The following DACH1 variants were observed in gnomAD, a reference collection of about 807,000 sequenced individuals.
DACH1 encodes dachshund family transcription factor 1.
A neutral mutation model predicts 54.2 loss-of-function variants in DACH1; 12 were observed. The ratio of observed to expected loss-of-function variants is 0.22; its 90% confidence interval spans 0.14 to 0.36. DACH1 has a LOEUF of 0.36. DACH1 is among the 10% of genes least tolerant of loss of function. The pLI is 1.00. For synonymous variants in DACH1, 386 were observed against 366.2 expected, an observed-to-expected ratio of 1.05 and a Z score of -0.62; for missense variants, 805 against 929.8, an observed-to-expected ratio of 0.87 and a Z score of 1.75.
At position 71,866,067 on chromosome 13, in the gene DACH1, G is replaced by T. The variant is rs1376911802; in HGVS notation, c.703C>A (p.Arg235=). 7 of 1,613,746 alleles carry T rather than the reference G, an allele frequency of 4.3e-6. No homozygotes were observed. The highest frequency in any genetic ancestry group is 5.1e-6 in the Non-Finnish European group (6 of 1,179,992). The change falls in exon 1 of 11, where the codon CGG becomes AGG. Residue 235 remains arginine (R), a synonymous_variant. Transcript: ENST00000613252. Reference sequence around the variant, plus strand: ...CACACCACCGGCGTGATCTCCAGCCGCTTCAGCTTGGTGTAGACCGTATGC... The same window carrying T: ...CACACCACCGGCGTGATCTCCAGCCTCTTCAGCTTGGTGTAGACCGTATGC... ...GLHTVYTKLK[R]LEITPVVCNV... is the part of the protein sequence containing the mutation.
intron 3 of DACH1, among the ~76,000 whole-genome samples, chr13:71,573,799 T>A (rs1236706989): frequency 6.6e-6 from 1 of 152,160 alleles, no homozygotes; most frequent in Admixed American, 6.6e-5. Flanking sequence ...TCCGGCAACA[T>A]TTAACCTAGT....
chr13:71,847,607 T>C (rs1241874727), intron 1 of DACH1, among the ~76,000 whole-genome samples: 1 of 152,120 alleles, frequency 6.6e-6, no homozygotes, highest in Non-Finnish European at 1.5e-5. Context: ...TGATGAAAAA[T>C]ATTTCACAAT....
chr13:71,693,459 C>G (rs1163808976), intron 1 of DACH1, among the ~76,000 whole-genome samples: 2 of 148,484 alleles, frequency 1.3e-5, no homozygotes, highest in Non-Finnish European at 3.0e-5. Context: ...CTCACCACCA[C>G]GCCCGGCAAA....
At chr13:71,861,602 T>C (rs1874359031) in intron 1 of DACH1, among the ~76,000 whole-genome samples, 1 of 152,004 alleles carries the variant, frequency 6.6e-6, no homozygotes, top group Non-Finnish European at 1.5e-5. Context: ...CTTTCATATT[T>C]AAGCTTTAGT....
chr13:71,836,090 C>A (rs746628684), intron 1 of DACH1, among the ~76,000 whole-genome samples: 1 of 151,900 alleles, frequency 6.6e-6, no homozygotes, highest in South Asian at 2.1e-4. Flanking sequence ...ATAGTCTTAC[C>A]TTATCTTGCT....
chr13:71,721,229 C>T (rs1230916698), intron 1 of DACH1, among the ~76,000 whole-genome samples: 1 of 152,050 alleles, frequency 6.6e-6, no homozygotes, highest in Non-Finnish European at 1.5e-5. Context: ...TTGTTTTCTC[C>T]CAACTAGGAT....
chr13:71,741,782 TATTCTGG>T, intron 1 of DACH1, among the ~76,000 whole-genome samples: 1 of 152,274 alleles, frequency 6.6e-6, no homozygotes, highest in South Asian at 2.1e-4. Context: ...TTTTTTAGGC[TATTCTGG>T]CACATAAGGA....
intron 10 of DACH1, among the ~76,000 whole-genome samples, chr13:71,458,289 TC>T (rs1875763813): frequency 1.3e-5 from 2 of 152,044 alleles, no homozygotes; most frequent in Non-Finnish European, 2.9e-5. Context: ...TTTATTTATT[TC>T]CTGTTTGCAA....
At chr13:71,447,586 C>T (rs1269030613) in intron 10 of DACH1, among the ~76,000 whole-genome samples, 1 of 152,084 alleles carries the variant, frequency 6.6e-6, no homozygotes, top group African/African-American at 2.4e-5. Context: ...GTAATCCCAG[C>T]ACTTTGGGAG....
chr13:71,568,369 C>A (rs182135110), intron 4 of DACH1, among the ~76,000 whole-genome samples: 1 of 152,102 alleles, frequency 6.6e-6, no homozygotes, highest in Admixed American at 6.5e-5. Flanking sequence ...TGTCTAGTGT[C>A]TCTTCATTGC....
chr13:71,573,532 A>G (rs1885350999), intron 3 of DACH1: 1 of 668,290 alleles, frequency 1.5e-6, no homozygotes, highest in East Asian at 2.8e-5. Flanking sequence ...TGGGATGGGG[A>G]AGAGGGCAGT....
intron 3 of DACH1, among the ~76,000 whole-genome samples, chr13:71,596,334 C>T (rs1184253013): frequency 6.6e-6 from 1 of 152,074 alleles, no homozygotes; most frequent in Non-Finnish European, 1.5e-5. Flanking sequence ...ACTCCAAATA[C>T]TGGAAAATAC....
At chr13:71,458,799 C>T (rs1287572256) in intron 10 of DACH1, among the ~76,000 whole-genome samples, 1 of 151,666 alleles carries the variant, frequency 6.6e-6, no homozygotes, top group Non-Finnish European at 1.5e-5. Flanking sequence ...AAAACCTGAC[C>T]TAAAATTCCT....
At chr13:71,803,829 C>T (rs531649326) in intron 1 of DACH1, among the ~76,000 whole-genome samples, 2 of 152,280 alleles carry the variant, frequency 1.3e-5, no homozygotes, top group South Asian at 2.1e-4. Flanking sequence ...GATATCTCAG[C>T]ACCTTCTCTT....
At chr13:71,617,721 T>A (rs1875888116) in intron 3 of DACH1, among the ~76,000 whole-genome samples, 1 of 152,188 alleles carries the variant, frequency 6.6e-6, no homozygotes, top group Non-Finnish European at 1.5e-5. Flanking sequence ...TATTAGAAAG[T>A]ACAGATATAA....
intron 1 of DACH1, among the ~76,000 whole-genome samples, chr13:71,723,436 T>C (rs9572771): frequency 0.15 from 22,769 of 151,934 alleles, 2,189 homozygotes; most frequent in Non-Finnish European, 0.21. Flanking sequence ...AAATGTGTCC[T>C]AGTTAACATG....
At chr13:71,621,421 G>A (rs1185869426) in intron 3 of DACH1, among the ~76,000 whole-genome samples, 2 of 152,036 alleles carry the variant, frequency 1.3e-5, no homozygotes, top group Non-Finnish European at 2.9e-5. Context: ...GATGACAGCT[G>A]GTACAGCGTG....
intron 1 of DACH1, among the ~76,000 whole-genome samples, chr13:71,793,598 C>T (rs1032089060): frequency 6.6e-6 from 1 of 152,066 alleles, no homozygotes; most frequent in Non-Finnish European, 1.5e-5. Context: ...TGCAGTGGTG[C>T]AATCTCACTG....
chr13:71,731,401 C>G (rs1594147430), intron 1 of DACH1, among the ~76,000 whole-genome samples: 2 of 151,338 alleles, frequency 1.3e-5, no homozygotes, highest in South Asian at 4.2e-4. Context: ...ATGCCATTCT[C>G]CTGCCTCAGC....
Sources: allele counts gnomAD v4.1 joint callset (sites outside exome capture counted in the v4.1 genomes callset), GRCh38; gene constraint gnomAD v4.1.1; transcripts MANE v1.5; gene names NCBI Gene and HGNC (gene_info 2026-07-23, HGNC 2026-07-21).